Variants in SLAIN1 observed in about 807,000 individuals in gnomAD.
SLAIN1 encodes SLAIN motif-containing protein 1.
Under a neutral mutation model 55.4 loss-of-function variants are expected in SLAIN1, and 17 were observed. That is an observed-to-expected ratio of 0.31 (90% confidence interval 0.21 to 0.46). The LOEUF (loss-of-function observed/expected upper bound fraction) is 0.46. SLAIN1 is among the 20% of genes least tolerant of loss of function. SLAIN1 has a pLI of 1.00. For synonymous variants in SLAIN1, 348 were observed against 337.4 expected (o/e 1.03, Z -0.35); for missense variants, 682 against 785.1 (o/e 0.87, Z 1.57).
intron 4 of SLAIN1, 87 bp from the exon 5 acceptor site, chr13:77,753,116 A>G: frequency 3.3e-6 from 4 of 1,220,086 alleles, no homozygotes; most frequent in Non-Finnish European, 4.5e-6. Flanking sequence ...TATTGAGCAC[A>G]ATATGACTTT....
chr13:77,743,977 C>T (rs895127002), intron 2 of SLAIN1, among the ~76,000 whole-genome samples: 4 of 151,888 alleles, frequency 2.6e-5, no homozygotes, highest in South Asian at 2.1e-4. Context: ...TAGATTTTAG[C>T]AGTAGTGAAT....
At chr13:77,707,021 G>T in intron 1 of SLAIN1, among the ~76,000 whole-genome samples, 1 of 151,418 alleles carries the variant, frequency 6.6e-6, no homozygotes, top group South Asian at 2.1e-4. Flanking sequence ...GGACATTCGT[G>T]CACACTTTCA....
At chr13:77,748,398 CTTTTTT>C (rs934265928) in intron 4 of SLAIN1, among the ~76,000 whole-genome samples, 2 of 79,554 alleles carry the variant, frequency 2.5e-5, no homozygotes, top group East Asian at 3.5e-4. Context: ...TTCTCTAAAG[CTTTTTT>C]TTTTTTTTTT....
chr13:77,703,057 A>C (rs951137629), intron 1 of SLAIN1, among the ~76,000 whole-genome samples: 44 of 152,140 alleles, frequency 2.9e-4, no homozygotes, highest in African/African-American at 7.7e-4. Context: ...ATATGAGAAA[A>C]TGCCACGATA....
At chr13:77,726,043 CT>C (rs1256092098) in intron 2 of SLAIN1, among the ~76,000 whole-genome samples, 2 of 152,186 alleles carry the variant, frequency 1.3e-5, no homozygotes, top group Middle Eastern at 3.2e-3. Flanking sequence ...TATCTGACAA[CT>C]TTTGACCCTG....
intron 5 of SLAIN1, among the ~76,000 whole-genome samples, chr13:77,753,843 T>G (rs955392894): frequency 2.0e-5 from 3 of 152,142 alleles, no homozygotes; most frequent in Admixed American, 6.6e-5. Context: ...TTTGTCTTTT[T>G]CCCCCTAAAT....
At chr13:77,745,383 T>C (rs1221062789) in intron 3 of SLAIN1, among the ~76,000 whole-genome samples, 1 of 152,080 alleles carries the variant, frequency 6.6e-6, no homozygotes, top group Non-Finnish European at 1.5e-5. Context: ...TTTGTTTTTT[T>C]TTAAGCACTG....
intron 1 of SLAIN1, among the ~76,000 whole-genome samples, chr13:77,706,066 C>T (rs545291953): frequency 2.6e-5 from 4 of 152,072 alleles, no homozygotes; most frequent in Non-Finnish European, 5.9e-5. Context: ...GGAAGCAGTC[C>T]TCTACTCCCT....
At chr13:77,699,071 G>A in intron 1 of SLAIN1, 1 of 1,529,134 alleles carries the variant, frequency 6.5e-7, no homozygotes, top group African/African-American at 1.4e-5. Context: ...CGTTCTTGCT[G>A]TTTGAATTTT....
At chr13:77,712,992 A>ATT (rs755666746) in intron 1 of SLAIN1, among the ~76,000 whole-genome samples, 133 of 152,338 alleles carry the variant, frequency 8.7e-4, no homozygotes, top group Non-Finnish European at 1.6e-3. Context: ...GGTGCTGGGA[A>ATT]AACTGGCTAG....
rs1264543353 is a variant in SLAIN1, at chr13:77,746,636, G to A, written c.1039G>A (p.Asp347Asn). Residue 347 changes from aspartate (D) to asparagine (N), a missense_variant, in exon 4 of 7, where the codon GAT becomes AAT. Around this residue, in one of 3 missense-constraint regions of SLAIN1, gnomAD observed 37 missense variants for 72.6 expected, o/e 0.51. Coordinates refer to ENST00000418532, the MANE Select transcript of SLAIN1 (RefSeq NM_001242868.2). ...DQEYDQYSLE[D>N]EEEFDHLPPP... Reference sequence around the variant, plus strand: ...AGAATATGACCAATACAGTCTGGAGGATGAAGAGGAATTTGATCATTTGCC... The same window carrying A: ...AGAATATGACCAATACAGTCTGGAGAATGAAGAGGAATTTGATCATTTGCC... The A allele has an allele frequency of 1.9e-6, 3 of 1,613,602 alleles. No homozygotes were observed. Among genetic ancestry groups the A allele is most frequent in the Non-Finnish European group, 2.5e-6 (3 of 1,179,782 alleles).
intron 3 of SLAIN1, 39 bp downstream of exon 3, chr13:77,744,471 C>T: frequency 6.2e-7 from 1 of 1,603,960 alleles, no homozygotes; most frequent in Non-Finnish European, 8.5e-7. Context: ...GAGGCTTCCA[C>T]TTGGAATATA....
Position 77,698,454 on chromosome 13 carries a change from T to C in SLAIN1, c.541T>C (p.Ser181Pro). The C allele has an allele frequency of 6.9e-7, 1 of 1,439,426 alleles. No individual in the cohort carries two copies. The highest frequency in any genetic ancestry group is 9.1e-7 in the Non-Finnish European group (1 of 1,101,524). The allele number at this position is 1,439,426 out of a possible 1,614,324, so 89.2% of individuals were successfully genotyped here. ...TPPGAAAAPP[S>P]PPPTLLDEVE... is the part of the protein sequence containing the mutation. ...GCCAGGGGCAGCTGCAGCGCCGCCCTCGCCGCCCCCCACGCTGCTGGACGA... is the reference window on the plus strand; with the variant it reads ...GCCAGGGGCAGCTGCAGCGCCGCCCCCGCCGCCCCCCACGCTGCTGGACGA... Residue 181 changes from serine (S) to proline (P), a missense_variant, in exon 1 of 7, where the codon TCG becomes CCG. Ser to Pro is a moderately conservative substitution (Grantham distance 74, BLOSUM62 -1). Coordinates refer to ENST00000418532, the MANE Select transcript of SLAIN1 (RefSeq NM_001242868.2). The surrounding 1 kb of genome is among the most constrained non-coding windows in gnomAD (Gnocchi z 4.1).
chr13:77,735,649 A>G (rs1267333813), intron 2 of SLAIN1, among the ~76,000 whole-genome samples: 5 of 152,186 alleles, frequency 3.3e-5, no homozygotes, highest in Non-Finnish European at 7.3e-5. Context: ...AAGTGTATCT[A>G]TGCTTCTATA....
intron 1 of SLAIN1, among the ~76,000 whole-genome samples, chr13:77,709,447 G>A (rs1472553755): frequency 1.3e-5 from 2 of 152,056 alleles, no homozygotes; most frequent in Non-Finnish European, 2.9e-5. Context: ...ACAACTCCAA[G>A]ACACAAAATT....
In SLAIN1 at chr13:77,748,516, C is replaced by T. The variant is rs565073593; in HGVS notation, c.1258+1661C>T. Among the ~76,000 whole-genome samples, 28 of 149,936 alleles carry T rather than the reference C, an allele frequency of 1.9e-4. No homozygotes were observed. In the South Asian group the frequency reaches 2.3e-3, roughly 12 times the overall value. On this transcript the variant is annotated intron_variant, in intron 4 of 6. Transcript: ENST00000418532. The stretch of plus-strand genomic sequence containing the variant: ...TATTGTCAATGGGATCATTTTTCTC[C>T]GCTTAGCTGTTTGTTGCACCTCAGA...
chr13:77,744,652 G>C, intron 3 of SLAIN1: 1 of 663,214 alleles, frequency 1.5e-6, no homozygotes, highest in Non-Finnish European at 2.5e-6. Context: ...GACATTGCTG[G>C]TATTGTCACT....
At chr13:77,748,248 TTC>T (rs998254150) in intron 4 of SLAIN1, among the ~76,000 whole-genome samples, 1 of 152,000 alleles carries the variant, frequency 6.6e-6, no homozygotes, top group Non-Finnish European at 1.5e-5. Context: ...ACCTTGAGAT[TTC>T]AAGTTTAAAG....
At chr13:77,736,730 C>T (rs1467815295) in intron 2 of SLAIN1, among the ~76,000 whole-genome samples, 2 of 151,962 alleles carry the variant, frequency 1.3e-5, no homozygotes. Context: ...TCCTACATGC[C>T]CTCCCTGAGT....
Sources: allele counts gnomAD v4.1 joint callset (sites outside exome capture counted in the v4.1 genomes callset), GRCh38; gene constraint gnomAD v4.1.1; regional missense constraint gnomAD v4.1.1; non-coding constraint Gnocchi (gnomAD v3.1); transcripts MANE v1.5; gene names NCBI Gene and HGNC (gene_info 2026-07-23, HGNC 2026-07-21).